Variants in SPON1 observed in about 807,000 individuals in gnomAD.
SPON1 encodes the protein spondin-1.
Under a neutral mutation model 111.7 loss-of-function variants are expected in SPON1, and 52 were observed. That is an observed-to-expected ratio of 0.47 (90% CI 0.37 to 0.59). SPON1 has a LOEUF of 0.59. SPON1 is among the 20% of genes least tolerant of loss of function. The probability of loss-of-function intolerance (pLI) is 0.00; values close to 1 mark genes in which losing one functional copy is unlikely to be tolerated. For missense variants in SPON1, 957 were observed against 1,068.5 expected, an observed-to-expected ratio of 0.90 and a Z score of 1.46; for synonymous variants, 410 against 395.8, an observed-to-expected ratio of 1.04 and a Z score of -0.43.
chr11:14,071,289 A>G (rs1848873645), intron 3 of SPON1, among the ~76,000 whole-genome samples: 1 of 152,146 alleles, frequency 6.6e-6, no homozygotes, highest in African/African-American at 2.4e-5. Context: ...CAAGTGTACC[A>G]AAGTCTTGGT....
chr11:14,113,600 T>TAA (rs1564908180), intron 5 of SPON1, among the ~76,000 whole-genome samples: 7 of 85,094 alleles, frequency 8.2e-5, no homozygotes, highest in South Asian at 4.4e-4. Flanking sequence ...TTTTTTTTTT[T>TAA]TTTTTTTTTT....
intron 1 of SPON1, among the ~76,000 whole-genome samples, chr11:13,970,521 G>A (rs567881698): frequency 6.6e-6 from 1 of 152,156 alleles, no homozygotes; most frequent in Non-Finnish European, 1.5e-5. Context: ...AGGAGTGTGG[G>A]CAGGTGGGCA....
chr11:13,965,756 T>C (rs1554907976), intron 1 of SPON1, among the ~76,000 whole-genome samples: 2 of 152,222 alleles, frequency 1.3e-5, no homozygotes, highest in Non-Finnish European at 2.9e-5. Flanking sequence ...ACTGGCCTAG[T>C]TTGTGACATT....
chr11:13,976,344 T>C (rs1554909051), intron 1 of SPON1, among the ~76,000 whole-genome samples: 1 of 152,212 alleles, frequency 6.6e-6, no homozygotes, highest in Non-Finnish European at 1.5e-5. Context: ...GCAGTCATTT[T>C]AGGTTATTAC....
chr11:14,244,597 A>C (rs1313495321), intron 7 of SPON1, among the ~76,000 whole-genome samples: 6 of 151,912 alleles, frequency 3.9e-5, no homozygotes, highest in Non-Finnish European at 8.8e-5. Flanking sequence ...AAATACAAAA[A>C]TCTAACTGGG....
intron 2 of SPON1, among the ~76,000 whole-genome samples, chr11:14,005,598 C>T (rs956906864): frequency 4.6e-5 from 7 of 152,126 alleles, no homozygotes; most frequent in African/African-American, 1.4e-4. Context: ...AATGTAAGCC[C>T]CTGTTCTACT....
intron 6 of SPON1, among the ~76,000 whole-genome samples, chr11:14,139,900 C>T (rs1353525796): frequency 6.6e-6 from 1 of 151,926 alleles, no homozygotes; most frequent in African/African-American, 2.4e-5. Flanking sequence ...ACAGCACATG[C>T]AAAGGGCCTG....
chr11:14,193,025 C>T (rs1445273426), intron 6 of SPON1, among the ~76,000 whole-genome samples: 4 of 152,000 alleles, frequency 2.6e-5, no homozygotes, highest in Admixed American at 1.3e-4. Context: ...ATGCAAAAGA[C>T]GGATAAATTA....
chr11:14,130,653 A>G (rs1847518209), intron 5 of SPON1, among the ~76,000 whole-genome samples: 1 of 152,044 alleles, frequency 6.6e-6, no homozygotes, highest in Admixed American at 6.6e-5. Context: ...GTGTACCTTC[A>G]ATCAGAAATA....
intron 2 of SPON1, among the ~76,000 whole-genome samples, chr11:14,033,968 C>G (rs142996939): frequency 1.3e-5 from 2 of 152,084 alleles, no homozygotes; most frequent in Non-Finnish European, 2.9e-5. Flanking sequence ...TTTATTTAAA[C>G]CTATATATAA....
In SPON1 at chr11:14,202,501, C is replaced by A. The variant is rs77846461; in HGVS notation, c.826-40831C>A. Among the ~76,000 whole-genome samples, 1,370 of 152,220 alleles carry A rather than the reference C, an allele frequency of 9.0e-3. 19 individuals carry two copies. Among genetic ancestry groups the A allele is most frequent in the African/African-American group, 0.032 (1,321 of 41,522 alleles). ...AGTGGGGAAGGGAGGAGGACAATAC[C>A]CTCTAACGGCCCCAGAGTCTGTGCC... On this transcript the variant is annotated intron_variant, in intron 6 of 15. Transcript: ENST00000576479.
chr11:14,014,706 C>T (rs1357831628), intron 2 of SPON1, among the ~76,000 whole-genome samples: 1 of 152,240 alleles, frequency 6.6e-6, no homozygotes, highest in Non-Finnish European at 1.5e-5. Context: ...ATATCTTCAA[C>T]TGTAAACTAA....
chr11:14,002,063 T>A (rs16913542), intron 2 of SPON1, among the ~76,000 whole-genome samples: 21,342 of 152,038 alleles, frequency 0.14, 2,009 homozygotes, highest in African/African-American at 0.26. Context: ...TTTCTTGACA[T>A]GGGGAAAACA....
intron 6 of SPON1, among the ~76,000 whole-genome samples, chr11:14,218,839 T>G (rs1554937346): frequency 6.6e-6 from 1 of 152,242 alleles, no homozygotes; most frequent in African/African-American, 2.4e-5. Flanking sequence ...GTTTTCCCAG[T>G]TGCTGGCGAG....
At chr11:14,063,537 A>G (rs1203853107) in intron 3 of SPON1, among the ~76,000 whole-genome samples, 1 of 152,076 alleles carries the variant, frequency 6.6e-6, no homozygotes, top group Non-Finnish European at 1.5e-5. Context: ...TAGCTTACAT[A>G]TGGTCTCATG....
At chr11:14,128,718 C>T (rs1365971445) in intron 5 of SPON1, among the ~76,000 whole-genome samples, 1 of 152,242 alleles carries the variant, frequency 6.6e-6, no homozygotes, top group Non-Finnish European at 1.5e-5. Context: ...CATGGCCCTA[C>T]TAGAGGTTCT....
chr11:14,081,003 A>G (rs1848957811), intron 5 of SPON1, among the ~76,000 whole-genome samples: 1 of 152,106 alleles, frequency 6.6e-6, no homozygotes, highest in Non-Finnish European at 1.5e-5. Flanking sequence ...GGAGGATCTT[A>G]AGCCCAGGAG....
chr11:14,146,443 C>A (rs1379326223), intron 6 of SPON1, among the ~76,000 whole-genome samples: 1 of 152,144 alleles, frequency 6.6e-6, no homozygotes, highest in Non-Finnish European at 1.5e-5. Context: ...AGCCACCACA[C>A]CTGGCCTACT....
At chr11:13,983,684 T>C (rs1299921523) in intron 2 of SPON1, among the ~76,000 whole-genome samples, 1 of 152,192 alleles carries the variant, frequency 6.6e-6, no homozygotes, top group Non-Finnish European at 1.5e-5. Context: ...AGCCGGCAAG[T>C]TGTCAGAACA....
Sources: gnomAD v4.1 joint callset for allele counts (sites outside exome capture counted in the v4.1 genomes callset) on GRCh38, gnomAD v4.1.1 for gene constraint, MANE v1.5 for transcripts, NCBI Gene and HGNC (gene_info 2026-07-23, HGNC 2026-07-21) for gene names.